RAB11FIP3: variants seen among roughly 807,000 people sequenced by gnomAD.
RAB11FIP3 encodes rab11 family-interacting protein 3.
RAB11FIP3 carries 17 observed loss-of-function variants against 77.8 expected under a neutral mutation model. That is an observed-to-expected ratio of 0.22 (90% CI 0.15 to 0.33). RAB11FIP3 has a LOEUF of 0.33. Among genes scored for constraint, RAB11FIP3 ranks in the 10% least tolerant of loss-of-function variants. The pLI, the probability that RAB11FIP3 is intolerant of heterozygous loss-of-function variation, is 1.00. For missense variants in RAB11FIP3, 1,005 were observed against 1,011.2 expected (o/e 0.99, Z 0.08); for synonymous variants, 437 against 448.2 (o/e 0.98, Z 0.31).
intron 1 of RAB11FIP3, among the ~76,000 whole-genome samples, chr16:442,105 G>A (rs2055237550): frequency 6.6e-6 from 1 of 152,144 alleles, no homozygotes; most frequent in Admixed American, 6.6e-5. Flanking sequence ...CCAAAGTGCT[G>A]GGATTACAGG....
intron 1 of RAB11FIP3, among the ~76,000 whole-genome samples, chr16:450,761 C>G (rs1421514884): frequency 1.3e-5 from 2 of 152,136 alleles, no homozygotes; most frequent in Non-Finnish European, 2.9e-5. Flanking sequence ...TCCCAGCTGG[C>G]TCGCATTCTA....
intron 6 of RAB11FIP3, among the ~76,000 whole-genome samples, chr16:501,982 G>C (rs1317078287): frequency 6.6e-6 from 1 of 152,264 alleles, no homozygotes; most frequent in Non-Finnish European, 1.5e-5. Flanking sequence ...AGGAGGCTGG[G>C]AGAGGGTCCC....
intron 5 of RAB11FIP3, among the ~76,000 whole-genome samples, chr16:491,637 A>T (rs2030201028): frequency 6.6e-6 from 1 of 152,246 alleles, no homozygotes. Context: ...ATATGTAAAC[A>T]GCTTTCAGGA....
chr16:479,483 G>A (rs1373638024), intron 3 of RAB11FIP3, among the ~76,000 whole-genome samples: 2 of 152,104 alleles, frequency 1.3e-5, no homozygotes, highest in African/African-American at 4.8e-5. Context: ...CTTGAGGTGC[G>A]GAGTGGATGA....
At chr16:451,155 A>T (rs3852765) in intron 1 of RAB11FIP3, among the ~76,000 whole-genome samples, 52,469 of 151,932 alleles carry the variant, frequency 0.35, 10,997 homozygotes, top group Middle Eastern at 0.5. Flanking sequence ...AAACCATTGA[A>T]TTGTACCCTT....
At position 520,215 on chromosome 16, in the gene RAB11FIP3, C is replaced by T; in HGVS notation, c.1954C>T (p.Gln652Ter). The change falls in exon 12 of 14, where the codon CAG becomes TAG. Residue 652 changes from glutamine (Q) to a stop codon, truncating the protein, a stop_gained. Coordinates refer to ENST00000262305, the MANE Select transcript of RAB11FIP3 (RefSeq NM_014700.4). LOFTEE classifies it high-confidence loss of function. ...GGGCCGCAGCAGCAGCATGGGCCTGCAGGAGTACCACAGCCGCGCCCGGGA... is the reference window on the plus strand; with the variant it reads ...GGGCCGCAGCAGCAGCATGGGCCTGTAGGAGTACCACAGCCGCGCCCGGGA... ...RRGRSSSMGL[Q>*]EYHSRARESE... is the part of the protein sequence containing the mutation. 1 of 1,545,814 alleles carries T rather than the reference C, an allele frequency of 6.5e-7. No individual in the cohort carries two copies. Among genetic ancestry groups the T allele is most frequent in the Non-Finnish European group, 8.7e-7 (1 of 1,147,878 alleles).
chr16:505,575 A>T lies in RAB11FIP3; in HGVS notation c.1447A>T (p.Thr483Ser), dbSNP rs772369700. 6.2e-7 allele frequency: 1 copy of T among 1,606,590 alleles called. No homozygotes were observed. The highest frequency in any genetic ancestry group is 2.2e-5 in the East Asian group (1 of 44,818). The change falls in exon 8 of 14, where the codon ACC becomes TCC. Residue 483 changes from threonine to serine, a missense_variant. Physicochemically the swap from Thr to Ser is moderately conservative, Grantham distance 58. This residue lies in a region of RAB11FIP3 where 433 missense variants were observed against 436.1 expected (regional missense o/e 0.99). Coordinates refer to ENST00000262305, the MANE Select transcript of RAB11FIP3 (RefSeq NM_014700.4). This position sits in a 1 kb window ranked among gnomAD's most constrained non-coding sequence, Gnocchi z 4.0. ...GGAGCTGGAAAAGGACACGGCAGCC[A>T]CCGGTGAGCAACACAGCCGCCTGAG... ...VLELEKDTAATGEQHSRLRQE... is the reference protein window; with the variant it reads ...VLELEKDTAASGEQHSRLRQE...
chr16:519,944 G>C, intron 11 of RAB11FIP3, 53 bp downstream of exon 11: 1 of 1,532,668 alleles, frequency 6.5e-7, no homozygotes, highest in South Asian at 1.2e-5. Flanking sequence ...TGCCCCACGG[G>C]GAGCCTTTGT....
intron 8 of RAB11FIP3, 130 bp from the exon 9 acceptor site, chr16:510,530 T>A: frequency 9.4e-7 from 1 of 1,061,774 alleles, no homozygotes; most frequent in Non-Finnish European, 1.3e-6. Flanking sequence ...AGCTCGGGGA[T>A]GCCCTTCTCG....
At chr16:476,198 G>A (rs1016590674) in intron 3 of RAB11FIP3, among the ~76,000 whole-genome samples, 3 of 152,192 alleles carry the variant, frequency 2.0e-5, no homozygotes, top group Non-Finnish European at 2.9e-5. Context: ...GGTCCAGAGC[G>A]GAGCGTGTGA....
intron 6 of RAB11FIP3, chr16:502,776 CAG>C (rs1172299469): frequency 1.8e-6 from 1 of 564,248 alleles, no homozygotes; most frequent in Non-Finnish European, 3.1e-6. Flanking sequence ...TCTGAGACCA[CAG>C]AGCACGGCCT....
At position 518,944 on chromosome 16, in the gene RAB11FIP3, C is replaced by A. The variant is rs1370787725; in HGVS notation, c.1642C>A (p.Leu548Ile). Residue 548 changes from leucine (L) to isoleucine (I), a missense_variant and splice_region_variant, in exon 10 of 14, where the codon CTA (leucine) becomes ATA (isoleucine). Around this residue, in one of 4 missense-constraint regions of RAB11FIP3, gnomAD observed 433 missense variants for 436.1 expected, o/e 0.99. Transcript: ENST00000262305. ...SIEIENLQTRLQQLDEENSEL... is the reference protein window; with the variant it reads ...SIEIENLQTRIQQLDEENSEL... ...TTCAGCTTTGTTCTTGTGTCCCAGG[C>A]TACAGCAACTGGACGAGGAGAACAG... The A allele has an allele frequency of 6.2e-7, 1 of 1,613,516 alleles. No homozygotes were observed. The highest frequency in any genetic ancestry group is 1.1e-5 in the South Asian group (1 of 91,086).
At chr16:455,255 G>A (rs1488932534) in intron 1 of RAB11FIP3, among the ~76,000 whole-genome samples, 5 of 150,486 alleles carry the variant, frequency 3.3e-5, no homozygotes, top group South Asian at 2.1e-4. Context: ...CAAGGTGGGC[G>A]GATCACCTGA....
In RAB11FIP3 at chr16:502,164, G is replaced by C. The variant is rs149809541; in HGVS notation, c.1302-840G>C. 6.9e-4 allele frequency among the ~76,000 whole-genome samples: 105 copies of C among 152,380 alleles called. 1 individual carries two copies. In the East Asian group the frequency reaches 0.018, roughly 26 times the overall value. On this transcript the variant is annotated intron_variant, in intron 6 of 13. Transcript: ENST00000262305. ...GCTCTTCTGTGCGAGTGCTCTGAGA[G>C]TTTTCTGTACTCCCGGCAAGTTTGG...
At position 502,989 on chromosome 16, in the gene RAB11FIP3, G is replaced by A; in HGVS notation, c.1302-15G>A. The A allele has an allele frequency of 6.3e-7, 1 of 1,586,128 alleles. No individual in the cohort carries two copies. The highest frequency in any genetic ancestry group is 8.7e-7 in the Non-Finnish European group (1 of 1,155,386). On this transcript the variant is annotated splice_polypyrimidine_tract_variant and intron_variant, in intron 6 of 13. Coordinates refer to ENST00000262305, the MANE Select transcript of RAB11FIP3 (RefSeq NM_014700.4). Reference sequence around the variant, plus strand: ...TTTTCCCTTTCTTCCCTCTGTTGTTGTGCCTTTTCTGTAGGTACCTGCACC... The same window carrying A: ...TTTTCCCTTTCTTCCCTCTGTTGTTATGCCTTTTCTGTAGGTACCTGCACC...
At chr16:445,470 G>A (rs555553846) in intron 1 of RAB11FIP3, among the ~76,000 whole-genome samples, 6 of 152,072 alleles carry the variant, frequency 3.9e-5, no homozygotes, top group Non-Finnish European at 8.8e-5. Context: ...AAAAGATTGG[G>A]TTTTAGGTAC....
At chr16:473,784 T>A (rs1363031300) in intron 3 of RAB11FIP3, among the ~76,000 whole-genome samples, 1 of 152,202 alleles carries the variant, frequency 6.6e-6, no homozygotes, top group Non-Finnish European at 1.5e-5. Flanking sequence ...GGGTTCACTC[T>A]TGGTGGTGTG....
intron 5 of RAB11FIP3, 120 bp downstream of exon 5, chr16:489,120 T>C: frequency 8.2e-7 from 1 of 1,220,962 alleles, no homozygotes; most frequent in East Asian, 2.7e-5. Flanking sequence ...CGTCATGTGA[T>C]TAAGTAAACC....
intron 5 of RAB11FIP3, among the ~76,000 whole-genome samples, chr16:495,350 C>T (rs1397268221): frequency 6.6e-6 from 1 of 152,188 alleles, no homozygotes; most frequent in East Asian, 1.9e-4. Flanking sequence ...GTGGTGGGGA[C>T]ACCACCGTGC....
Sources: allele counts gnomAD v4.1 joint callset (sites outside exome capture counted in the v4.1 genomes callset), GRCh38; gene constraint gnomAD v4.1.1; regional missense constraint gnomAD v4.1.1; non-coding constraint Gnocchi (gnomAD v3.1); transcripts MANE v1.5; gene names NCBI Gene and HGNC (gene_info 2026-07-23, HGNC 2026-07-21).